The following COPRS variants were observed in gnomAD, a reference collection of about 807,000 sequenced individuals.
COPRS encodes the protein coordinator of PRMT5 and differentiation stimulator.
COPRS carries 11 observed loss-of-function variants against 19.9 expected under a neutral mutation model. The observed-to-expected ratio is 0.55, with a 90% CI of 0.35 to 0.92. COPRS has a LOEUF of 0.92. Ranked by LOEUF, COPRS falls within the 40% of genes least tolerant of loss-of-function variation. COPRS has a pLI of 0.01. For synonymous variants in COPRS, 81 were observed against 82.7 expected (o/e 0.98, Z 0.11); for missense variants, 225 against 229.9 (o/e 0.98, Z 0.14).
chr17:31,852,126 GA>G lies in COPRS; in HGVS notation c.*12del, dbSNP rs1216687667. ...TGGAGGCCCGCCCACCTACAAGGCA[GA>G]AAGCTCCACACTCAATCTTCAGCAT... is the stretch of plus-strand genomic sequence containing the variant. On this transcript the variant is annotated 3_prime_UTR_variant, in exon 4 of 4. Transcript: ENST00000302362. 2 of 1,613,738 alleles carry G rather than the reference GA, an allele frequency of 1.2e-6. No homozygotes were observed. Among genetic ancestry groups the G allele is most frequent in the South Asian group, 2.2e-5 (2 of 91,056 alleles).
intron 2 of COPRS, among the ~76,000 whole-genome samples, chr17:31,855,747 G>T (rs892619687): frequency 2.6e-5 from 4 of 151,844 alleles, no homozygotes; most frequent in Non-Finnish European, 5.9e-5. Context: ...TGTAATCCCA[G>T]CACTCTGAGA....
intron 1 of COPRS, chr17:31,858,814 C>A: frequency 6.5e-7 from 1 of 1,550,284 alleles, no homozygotes; most frequent in Non-Finnish European, 8.7e-7. Flanking sequence ...CCAGCGTCAC[C>A]TCCCATTTAC....
intron 1 of COPRS, among the ~76,000 whole-genome samples, chr17:31,857,286 G>A (rs1035426980): frequency 6.6e-6 from 1 of 152,202 alleles, no homozygotes; most frequent in Non-Finnish European, 1.5e-5. Flanking sequence ...CAGCTCTGCA[G>A]AGCCTTTTCC....
At chr17:31,853,362 G>T (rs1453902217) in intron 2 of COPRS, among the ~76,000 whole-genome samples, 1 of 151,586 alleles carries the variant, frequency 6.6e-6, no homozygotes. Flanking sequence ...CACAATACAA[G>T]CCTGAATTAA....
rs1443984683 is a variant in COPRS at position 31,856,578 on chromosome 17, TTCTC to T, written c.166+217_166+220del. On this transcript the variant is annotated intron_variant, in intron 2 of 3. Coordinates refer to ENST00000302362, the MANE Select transcript of COPRS (RefSeq NM_018405.4). ...TACTATTTTCACCGTTTCAAGCTGT[TTCTC>T]TCGGTAGAAGGATGGATTTGAACAT... The T allele has an allele frequency of 1.0e-3, 608 of 597,872 alleles. 8 individuals carry two copies. The highest frequency in any genetic ancestry group is 1.3e-4 in the Non-Finnish European group (45 of 340,484). The allele number at this position is 597,872 out of a possible 1,614,324, so 37.0% of individuals were successfully genotyped here. A position where few individuals can be genotyped will look rare whatever the true frequency, so the allele number is the denominator to read the frequency against.
intron 1 of COPRS, 136 bp downstream of exon 1, chr17:31,858,965 C>A: frequency 7.3e-7 from 1 of 1,376,272 alleles, no homozygotes; most frequent in South Asian, 1.6e-5. Context: ...GCCCAAACAG[C>A]GCTCCGTGTC....
At chr17:31,854,024 G>A (rs1440447264) in intron 2 of COPRS, among the ~76,000 whole-genome samples, 1 of 152,118 alleles carries the variant, frequency 6.6e-6, no homozygotes, top group Non-Finnish European at 1.5e-5. Context: ...TCAGAGCAAG[G>A]GGTCTAAAGC....
intron 1 of COPRS, chr17:31,858,675 G>A: frequency 7.3e-7 from 1 of 1,377,116 alleles, no homozygotes; most frequent in East Asian, 2.5e-5. Context: ...TGACATCTGG[G>A]GCTCAGGGTT....
At chr17:31,854,355 CAAAAAAAAAAA>C (rs34371712) in intron 2 of COPRS, among the ~76,000 whole-genome samples, 5 of 46,430 alleles carry the variant, frequency 1.1e-4, no homozygotes, top group Non-Finnish European at 1.9e-4. Context: ...ACCCTGTCTC[CAAAAAAAAAAA>C]AAAAAAAAAA....
At chr17:31,852,428 C>T (rs956896115) in intron 3 of COPRS, 120 bp from the exon 4 acceptor site, 5 of 713,940 alleles carry the variant, frequency 7.0e-6, no homozygotes, top group Admixed American at 5.8e-5. Context: ...TGTTTAAAAA[C>T]ACACACAGTT....
chr17:31,859,011 C>T, intron 1 of COPRS, 90 bp downstream of exon 1: 1 of 1,213,284 alleles, frequency 8.2e-7, no homozygotes, highest in Non-Finnish European at 1.0e-6. Context: ...GGCGCTTCCC[C>T]GGCCCCGCGG....
At chr17:31,853,069 A>C in intron 2 of COPRS, 39 bp from the exon 3 acceptor site, 1 of 1,454,030 alleles carries the variant, frequency 6.9e-7, no homozygotes, top group Non-Finnish European at 9.7e-7. Flanking sequence ...GTGACAAACC[A>C]AAGAGGACCT....
chr17:31,856,010 C>G (rs920652861), intron 2 of COPRS, among the ~76,000 whole-genome samples: 4 of 114,636 alleles, frequency 3.5e-5, no homozygotes, highest in Non-Finnish European at 7.7e-5. Context: ...AAAAAAAAAA[C>G]GGCAGGGGGC....
intron 2 of COPRS, among the ~76,000 whole-genome samples, chr17:31,856,239 G>A (rs1909347524): frequency 1.3e-5 from 2 of 152,138 alleles, no homozygotes; most frequent in Admixed American, 1.3e-4. Flanking sequence ...GGAGGCTGAG[G>A]CAGGAGAATT....
chr17:31,855,387 G>C (rs1909306951), intron 2 of COPRS, among the ~76,000 whole-genome samples: 1 of 151,914 alleles, frequency 6.6e-6, no homozygotes, highest in Non-Finnish European at 1.5e-5. Context: ...GGTGCCTGTG[G>C]TCCCAGCTAC....
At chr17:31,852,790 C>T in intron 3 of COPRS, 22 bp downstream of exon 3, 1 of 1,568,672 alleles carries the variant, frequency 6.4e-7, no homozygotes, top group Non-Finnish European at 8.8e-7. Context: ...TAGTTCAGGA[C>T]CCCCAGAGAC....
intron 2 of COPRS, among the ~76,000 whole-genome samples, chr17:31,853,566 G>A (rs913814558): frequency 1.2e-4 from 19 of 152,120 alleles, no homozygotes; most frequent in Admixed American, 1.2e-3. Context: ...ATTTTTAGTA[G>A]AGACGGGGTT....
rs114851130 is a variant in COPRS, at chr17:31,852,295, G to A, written c.399C>T (p.Ile133=). Residue 133 remains isoleucine, a synonymous_variant, in exon 4 of 4, where the codon ATC becomes ATT. Coordinates refer to ENST00000302362, the MANE Select transcript of COPRS (RefSeq NM_018405.4). ...DQGNPYDADD[I]QESISQELKP... Reference sequence around the variant, plus strand: ...TAAGCTCTTGAGAAATGCTCTCCTGGATGTCGTCAGCATCTGCAGGCAGTT... The same window carrying A: ...TAAGCTCTTGAGAAATGCTCTCCTGAATGTCGTCAGCATCTGCAGGCAGTT... 1,256 of 1,607,352 alleles carry A rather than the reference G, an allele frequency of 7.8e-4. 10 individuals carry two copies. The African/African-American group carries it at 0.015, about 20-fold the overall frequency.
intron 2 of COPRS, 61 bp downstream of exon 2, chr17:31,856,738 G>C (rs887626102): frequency 9.9e-7 from 1 of 1,005,168 alleles, no homozygotes; most frequent in African/African-American, 1.6e-5. Context: ...ATGAGACAGA[G>C]GGACTATTCC....
Sources: gnomAD v4.1 joint callset for allele counts (sites outside exome capture counted in the v4.1 genomes callset) on GRCh38, gnomAD v4.1.1 for gene constraint, MANE v1.5 for transcripts, NCBI Gene and HGNC (gene_info 2026-07-23, HGNC 2026-07-21) for gene names.